RNF216: variants seen among roughly 807,000 people sequenced by gnomAD.
The protein encoded by RNF216 is ring finger protein 216, also known as E3 ubiquitin-protein ligase RNF216.
RNF216 carries 72 observed loss-of-function variants against 110.8 expected under a neutral mutation model. The ratio of observed to expected loss-of-function variants is 0.65; its 90% CI spans 0.54 to 0.79. The LOEUF (loss-of-function observed/expected upper bound fraction) is 0.79, where lower values mean the gene tolerates loss of function less well. RNF216 is among the 30% of genes least tolerant of loss of function. RNF216 has a pLI of 0.00. For missense variants in RNF216, 1,342 were observed against 1,141.2 expected (o/e 1.18, Z -2.54); for synonymous variants, 495 against 407.5 (o/e 1.21, Z -2.59).
chr7:5,710,966 C>T (rs1201319238), intron 13 of RNF216, among the ~76,000 whole-genome samples: 1 of 152,180 alleles, frequency 6.6e-6, no homozygotes, highest in African/African-American at 2.4e-5. Flanking sequence ...ATGCTGAAAA[C>T]AAAAGAAATA....
At position 5,621,879 on chromosome 7, in the gene RNF216, T is replaced by G. The variant is rs1239810080; in HGVS notation, c.*981A>C. On this transcript the variant is annotated 3_prime_UTR_variant, in exon 17 of 17. Transcript: ENST00000389902. ...TGACTCCATGAGAAGGGAAGTGACC[T>G]TCACATGGGGGATACTGGACAGCAC... 1 of 152,034 alleles carries G rather than the reference T, an allele frequency of 6.6e-6. No homozygotes were observed. Among genetic ancestry groups the G allele is most frequent in the Non-Finnish European group, 1.5e-5 (1 of 68,058 alleles). 9.4% of individuals were successfully genotyped at this position (152,034 alleles called of 1,614,324 possible). A position where few individuals can be genotyped will look rare whatever the true frequency, so the allele number is the denominator to read the frequency against.
chr7:5,755,105 A>T (rs1365038511), intron 2 of RNF216, among the ~76,000 whole-genome samples: 1 of 147,370 alleles, frequency 6.8e-6, no homozygotes, highest in African/African-American at 2.6e-5. Flanking sequence ...GAGAGGAGGA[A>T]AGGAAGGAAA....
chr7:5,710,776 C>G (rs1318178319), intron 13 of RNF216, among the ~76,000 whole-genome samples: 1 of 152,176 alleles, frequency 6.6e-6, no homozygotes, highest in Non-Finnish European at 1.5e-5. Context: ...TCCTCCTTAT[C>G]TGCTGCATCT....
At chr7:5,723,733 G>A (rs552830436) in intron 8 of RNF216, among the ~76,000 whole-genome samples, 6 of 152,258 alleles carry the variant, frequency 3.9e-5, no homozygotes, top group East Asian at 1.9e-4. Context: ...AAAGGACAGA[G>A]GAGGGAGAAC....
rs533379849 is a variant in RNF216 at position 5,626,758 on chromosome 7, G to A, written c.2383-2633C>T. ...CTACACCTCTTAGCTAAGTGAGCTC[G>A]GCAGGTTCCTGAGTATCCCTGCGTC... On this transcript the variant is annotated intron_variant, in intron 15 of 16. Coordinates refer to ENST00000389902, the MANE Select transcript of RNF216 (RefSeq NM_207111.4). Among the ~76,000 whole-genome samples the A allele has an allele frequency of 3.3e-5, 5 of 152,270 alleles. No homozygotes were observed. In the South Asian group the frequency reaches 6.2e-4, roughly 19 times the overall value.
chr7:5,770,109 G>C (rs1326792307), intron 1 of RNF216, among the ~76,000 whole-genome samples: 1 of 151,284 alleles, frequency 6.6e-6, no homozygotes, highest in Non-Finnish European at 1.5e-5. Context: ...CACTTTGGGA[G>C]GCTGAGGCAA....
At chr7:5,774,798 G>A (rs899701079) in intron 1 of RNF216, among the ~76,000 whole-genome samples, 1 of 150,514 alleles carries the variant, frequency 6.6e-6, no homozygotes, top group East Asian at 1.9e-4. Flanking sequence ...TGCTCTTGTT[G>A]CCCAGGCTGG....
At chr7:5,666,814 CTT>C (rs762672429) in intron 13 of RNF216, 44 of 135,460 alleles carry the variant, frequency 3.2e-4, no homozygotes, top group Admixed American at 3.7e-4. Flanking sequence ...ACAGCAATGA[CTT>C]TTTTTTTTTT....
chr7:5,738,836 C>G (rs74536515), intron 5 of RNF216, among the ~76,000 whole-genome samples: 2 of 151,904 alleles, frequency 1.3e-5, no homozygotes, highest in African/African-American at 2.4e-5. Context: ...GTAGTATCAA[C>G]GCTTAGAAAC....
chr7:5,637,979 G>A (rs1159344551), intron 15 of RNF216, among the ~76,000 whole-genome samples: 3 of 152,318 alleles, frequency 2.0e-5, no homozygotes, highest in East Asian at 1.9e-4. Context: ...CCGAGCAGCT[G>A]GGAGGCCCTC....
intron 1 of RNF216, among the ~76,000 whole-genome samples, chr7:5,774,682 T>G (rs1584625907): frequency 2.0e-5 from 3 of 151,808 alleles, no homozygotes; most frequent in East Asian, 3.9e-4. Context: ...TAATCACAAG[T>G]ACACAGGAAA....
chr7:5,776,100 G>A (rs1796760138), intron 1 of RNF216, among the ~76,000 whole-genome samples: 1 of 152,030 alleles, frequency 6.6e-6, no homozygotes, highest in Non-Finnish European at 1.5e-5. Flanking sequence ...TACAGAAAAA[G>A]TTTACTGTTA....
intron 13 of RNF216, among the ~76,000 whole-genome samples, chr7:5,694,747 T>C (rs928019302): frequency 6.6e-6 from 1 of 152,224 alleles, no homozygotes; most frequent in African/African-American, 2.4e-5. Context: ...GTAGCTTGTG[T>C]TGGGCTGGTC....
At chr7:5,750,589 C>A (rs1795278819) in intron 3 of RNF216, among the ~76,000 whole-genome samples, 1 of 152,228 alleles carries the variant, frequency 6.6e-6, no homozygotes, top group East Asian at 1.9e-4. Flanking sequence ...GCCCTATAAG[C>A]TGAAGCTGGA....
intron 13 of RNF216, among the ~76,000 whole-genome samples, chr7:5,667,006 T>C (rs1356140326): frequency 6.6e-6 from 1 of 151,984 alleles, no homozygotes; most frequent in East Asian, 1.9e-4. Context: ...CAGGTCTTGC[T>C]ATGTTGCTCA....
At chr7:5,744,732 G>GAAA (rs1562454727) in intron 3 of RNF216, among the ~76,000 whole-genome samples, 1 of 152,148 alleles carries the variant, frequency 6.6e-6, no homozygotes, top group Non-Finnish European at 1.5e-5. Flanking sequence ...CAGCACTTTG[G>GAAA]GAGCCTGAGG....
chr7:5,705,695 G>A (rs921630883), intron 13 of RNF216, among the ~76,000 whole-genome samples: 1 of 152,144 alleles, frequency 6.6e-6, no homozygotes, highest in East Asian at 1.9e-4. Flanking sequence ...GATCACCTGA[G>A]GTCAGGAGTT....
At chr7:5,724,403 T>C (rs1200979633) in intron 8 of RNF216, among the ~76,000 whole-genome samples, 3 of 152,170 alleles carry the variant, frequency 2.0e-5, no homozygotes. Flanking sequence ...AATAGCACTT[T>C]CTCCACCACT....
intron 13 of RNF216, among the ~76,000 whole-genome samples, chr7:5,699,569 C>G (rs1287792469): frequency 2.0e-5 from 3 of 152,236 alleles, no homozygotes; most frequent in African/African-American, 4.8e-5. Flanking sequence ...ACTACCTCAG[C>G]AGATTGGATT....
Sources: gnomAD v4.1 joint callset for allele counts (sites outside exome capture counted in the v4.1 genomes callset) on GRCh38, gnomAD v4.1.1 for gene constraint, MANE v1.5 for transcripts, NCBI Gene and HGNC (gene_info 2026-07-23, HGNC 2026-07-21) for gene names.